NCOA2: variants seen among roughly 807,000 people sequenced by gnomAD.
NCOA2 encodes class E basic helix-loop-helix protein 75.
NCOA2 carries 21 observed loss-of-function variants against 145.1 expected under a neutral mutation model. That is an observed-to-expected ratio of 0.14 (90% CI 0.10 to 0.21). The LOEUF (loss-of-function observed/expected upper bound fraction) is 0.21. Among genes scored for constraint, NCOA2 ranks in the 10% least tolerant of loss-of-function variants. NCOA2 has a pLI of 1.00. For synonymous variants in NCOA2, 619 were observed against 637.5 expected, an observed-to-expected ratio of 0.97 and a Z score of 0.44; for missense variants, 1,472 against 1,837.6, an observed-to-expected ratio of 0.80 and a Z score of 3.64.
Position 70,156,041 on chromosome 8 carries a change from G to A in NCOA2, c.2324C>T (p.Pro775Leu). The change falls in exon 11 of 23, where the codon CCT (proline) becomes CTT (leucine). Residue 775 changes from proline to leucine, a missense_variant. By Grantham distance (98) the Pro-to-Leu change is moderately conservative. Around this residue, in one of 4 missense-constraint regions of NCOA2, gnomAD observed 953 missense variants for 1,062.1 expected, o/e 0.90. Transcript: ENST00000452400. ...KLERLDSKTD[P>L]ASNTKLIAMK... ...TGCTATTAATTTTGTGTTACTGGCA[G>A]GATCTGTCTTACTGTCCAGTCTCTC... 6.2e-7 allele frequency: 1 copy of A among 1,610,442 alleles called. No individual in the cohort carries two copies. The highest frequency in any genetic ancestry group is 8.5e-7 in the Non-Finnish European group (1 of 1,178,890).
At chr8:70,246,976 C>T (rs181408348) in intron 2 of NCOA2, among the ~76,000 whole-genome samples, 1 of 152,136 alleles carries the variant, frequency 6.6e-6, no homozygotes, top group African/African-American at 2.4e-5. Flanking sequence ...TTACAGATAC[C>T]AGAAGGGATT....
At chr8:70,212,834 C>T (rs1437097613) in intron 4 of NCOA2, among the ~76,000 whole-genome samples, 3 of 152,098 alleles carry the variant, frequency 2.0e-5, no homozygotes, top group Non-Finnish European at 4.4e-5. Context: ...GTAATCCCAG[C>T]CCTTTGGGAG....
At position 70,116,030 on chromosome 8, in the gene NCOA2, CA is replaced by C. The variant is rs1241202718; in HGVS notation, c.4384-2388del. 6.1e-5 allele frequency among the ~76,000 whole-genome samples: 9 copies of C among 146,526 alleles called. No individual in the cohort carries two copies. In the South Asian group the frequency reaches 2.0e-3, roughly 32 times the overall value. ...TGAAACCCCGTCTCTACTAAAAATA[CA>C]AAAAAATTAGCCGGGCGTGGTGGAG... is the stretch of plus-strand genomic sequence containing the variant. On this transcript the variant is annotated intron_variant, in intron 22 of 22. Coordinates refer to ENST00000452400, the MANE Select transcript of NCOA2 (RefSeq NM_006540.4).
intron 4 of NCOA2, 68 bp from the exon 5 acceptor site, chr8:70,174,927 T>A (rs189640009): frequency 7.2e-7 from 1 of 1,397,508 alleles, no homozygotes; most frequent in East Asian, 2.3e-5. Context: ...CAGAAATGTT[T>A]TTACTGTAAT....
chr8:70,329,142 T>G (rs754928864), intron 1 of NCOA2, among the ~76,000 whole-genome samples: 8 of 152,060 alleles, frequency 5.3e-5, no homozygotes, highest in Non-Finnish European at 1.0e-4. Flanking sequence ...TTTCTTTTTT[T>G]GAGACAGGGT....
At chr8:70,259,215 C>G (rs1823904807) in intron 2 of NCOA2, among the ~76,000 whole-genome samples, 1 of 152,210 alleles carries the variant, frequency 6.6e-6, no homozygotes, top group African/African-American at 2.4e-5. Context: ...ACCTTCCCCT[C>G]TCTCTCAATC....
At chr8:70,273,782 T>A in intron 2 of NCOA2, 1 of 588,082 alleles carries the variant, frequency 1.7e-6, no homozygotes, top group Non-Finnish European at 3.3e-6. Flanking sequence ...AGAATGATGA[T>A]GATGAAGTTC....
chr8:70,387,126 A>G (rs1812741722), intron 1 of NCOA2, among the ~76,000 whole-genome samples: 1 of 152,154 alleles, frequency 6.6e-6, no homozygotes, highest in Non-Finnish European at 1.5e-5. Flanking sequence ...AAATCATACA[A>G]ATGTCCTCTA....
rs1356519419 is a variant in NCOA2, at chr8:70,193,053, C to T, written c.260-18194G>A. ...CTGCACTCCAGCCTGGGCGACAGAG[C>T]GAGACTCTATTAAAAAAAAAAAAAA... is the stretch of plus-strand genomic sequence containing the variant. On this transcript the variant is annotated intron_variant, in intron 4 of 22. Coordinates refer to ENST00000452400, the MANE Select transcript of NCOA2 (RefSeq NM_006540.4). Among the ~76,000 whole-genome samples the T allele has an allele frequency of 1.5e-4, 17 of 112,540 alleles. No homozygotes were observed. The South Asian group carries it at 2.0e-3, about 13-fold the overall frequency. The allele number at this position is 112,540 out of a possible 152,430, so 73.8% of individuals were successfully genotyped here.
At chr8:70,168,908 T>C (rs1813925375) in intron 6 of NCOA2, among the ~76,000 whole-genome samples, 1 of 152,218 alleles carries the variant, frequency 6.6e-6, no homozygotes, top group African/African-American at 2.4e-5. Flanking sequence ...AAAGGAATCC[T>C]ACACAAGTAT....
intron 4 of NCOA2, among the ~76,000 whole-genome samples, chr8:70,211,778 A>C (rs1819054847): frequency 6.6e-6 from 1 of 152,196 alleles, no homozygotes; most frequent in African/African-American, 2.4e-5. Flanking sequence ...TGAGAACTTA[A>C]AAATACATTT....
chr8:70,418,245 A>G, the NCOA2 span, among the ~76,000 whole-genome samples: 2 of 152,212 alleles, frequency 1.3e-5, no homozygotes, highest in African/African-American at 2.4e-5. Flanking sequence ...CCTAGCTGAC[A>G]TTATAACTGA....
At chr8:70,442,148 A>AAAGAAAGAAAGAAAGAAAGAAAGAAAGG in the NCOA2 span, among the ~76,000 whole-genome samples, 27 of 138,432 alleles carry the variant, frequency 2.0e-4, no homozygotes, top group African/African-American at 7.5e-4. Context: ...AGAAAGAAAG[A>AAAGAAAGAAAGAAAGAAAGAAAGAAAGG]AAGAAAGAAA....
intron 6 of NCOA2, among the ~76,000 whole-genome samples, chr8:70,167,715 T>C (rs1813779895): frequency 6.6e-6 from 1 of 152,150 alleles, no homozygotes; most frequent in Admixed American, 6.5e-5. Flanking sequence ...TATTTGAGTA[T>C]TAAAACTAAA....
At chr8:70,325,979 G>A (rs1806521005) in intron 1 of NCOA2, among the ~76,000 whole-genome samples, 1 of 152,126 alleles carries the variant, frequency 6.6e-6, no homozygotes, top group Non-Finnish European at 1.5e-5. Context: ...CAGCTCAAAT[G>A]AGGCCACTAG....
At chr8:70,290,993 C>T (rs1826638469) in intron 2 of NCOA2, among the ~76,000 whole-genome samples, 1 of 152,204 alleles carries the variant, frequency 6.6e-6, no homozygotes, top group South Asian at 2.1e-4. Context: ...ATCCTACTAA[C>T]TGACCCAAAT....
chr8:70,169,256 C>T (rs968343840), intron 6 of NCOA2, among the ~76,000 whole-genome samples: 4 of 152,168 alleles, frequency 2.6e-5, no homozygotes, highest in Non-Finnish European at 5.9e-5. Flanking sequence ...TTAATCATCA[C>T]GTACTCGGAC....
intron 1 of NCOA2, among the ~76,000 whole-genome samples, chr8:70,361,561 C>T (rs1810202850): frequency 2.0e-5 from 3 of 152,098 alleles, no homozygotes; most frequent in Admixed American, 2.0e-4. Flanking sequence ...TAGATGTTTA[C>T]ATATTCTAAC....
the NCOA2 span, among the ~76,000 whole-genome samples, chr8:70,438,925 G>A: frequency 2.6e-5 from 4 of 152,132 alleles, no homozygotes; most frequent in Non-Finnish European, 2.9e-5. Flanking sequence ...ACATTCCAAT[G>A]GTTTTCTGCA....
Sources: allele counts gnomAD v4.1 joint callset (sites outside exome capture counted in the v4.1 genomes callset), GRCh38; gene constraint gnomAD v4.1.1; regional missense constraint gnomAD v4.1.1; transcripts MANE v1.5; gene names NCBI Gene and HGNC (gene_info 2026-07-23, HGNC 2026-07-21).